The following ZDHHC5 variants were observed in gnomAD, a reference collection of about 807,000 sequenced individuals.
ZDHHC5 encodes the protein zDHHC palmitoyltransferase 5, also known as palmitoyltransferase ZDHHC5.
Under a neutral mutation model 70.0 loss-of-function variants are expected in ZDHHC5, and 22 were observed. That is an observed-to-expected ratio of 0.31 (90% confidence interval 0.22 to 0.45). ZDHHC5 has a LOEUF of 0.45. Among genes scored for constraint, ZDHHC5 ranks in the 20% least tolerant of loss-of-function variants. The pLI is 1.00. For synonymous variants in ZDHHC5, 313 were observed against 347.8 expected (o/e 0.90, Z 1.11); for missense variants, 746 against 926.9 (o/e 0.80, Z 2.53).
chr11:57,687,684 T>A (rs1249839111), intron 3 of ZDHHC5, among the ~76,000 whole-genome samples: 1 of 151,892 alleles, frequency 6.6e-6, no homozygotes, highest in Non-Finnish European at 1.5e-5. Flanking sequence ...CATTTATGCT[T>A]GTGCAACAAA....
chr11:57,696,639 C>A, intron 9 of ZDHHC5, 122 bp from the exon 10 acceptor site: 1 of 831,288 alleles, frequency 1.2e-6, no homozygotes, highest in Middle Eastern at 3.5e-4. Flanking sequence ...CCCAGGAGTT[C>A]AAGGCTCCAG....
At chr11:57,687,770 T>G (rs1473073571) in intron 3 of ZDHHC5, among the ~76,000 whole-genome samples, 4 of 119,078 alleles carry the variant, frequency 3.4e-5, no homozygotes, top group Non-Finnish European at 6.9e-5. Flanking sequence ...TTTTTTTTTT[T>G]TTTTTTTTTT....
At chr11:57,693,161 G>T (rs973321526) in intron 7 of ZDHHC5, among the ~76,000 whole-genome samples, 5 of 152,234 alleles carry the variant, frequency 3.3e-5, no homozygotes, top group Admixed American at 1.3e-4. Context: ...ACAAAAATTA[G>T]CTGGGCAAGG....
intron 2 of ZDHHC5, among the ~76,000 whole-genome samples, chr11:57,681,100 G>A (rs1291886847): frequency 6.6e-6 from 1 of 152,200 alleles, no homozygotes; most frequent in Non-Finnish European, 1.5e-5. Context: ...ATAGATGGTG[G>A]TGGTAAAGAT....
chr11:57,668,282 C>T (rs747025528), intron 1 of ZDHHC5, 95 bp downstream of exon 1: 84 of 314,130 alleles, frequency 2.7e-4, no homozygotes, highest in Non-Finnish European at 2.1e-4. Flanking sequence ...GGACCGAAGA[C>T]GGGGAGGGTA....
At chr11:57,687,440 G>A (rs916603879) in intron 3 of ZDHHC5, among the ~76,000 whole-genome samples, 8 of 151,926 alleles carry the variant, frequency 5.3e-5, no homozygotes, top group African/African-American at 1.2e-4. Flanking sequence ...CCGAAGTGGC[G>A]TGCGCCTGTA....
At chr11:57,691,223 C>T (rs1174978097) in intron 6 of ZDHHC5, among the ~76,000 whole-genome samples, 1 of 152,140 alleles carries the variant, frequency 6.6e-6, no homozygotes, top group African/African-American at 2.4e-5. Flanking sequence ...AGATGTGCAT[C>T]ACCACGCCCA....
At chr11:57,695,723 T>A (rs760501115) in intron 8 of ZDHHC5, among the ~76,000 whole-genome samples, 197 bp from the exon 9 acceptor site, 4 of 150,760 alleles carry the variant, frequency 2.7e-5, no homozygotes, top group Non-Finnish European at 5.9e-5. Context: ...AGCCTAGGAG[T>A]TGCAGGCTGC....
intron 10 of ZDHHC5, among the ~76,000 whole-genome samples, chr11:57,697,611 CCA>C (rs1168408910): frequency 2.7e-5 from 4 of 148,162 alleles, no homozygotes; most frequent in Non-Finnish European, 4.5e-5. Context: ...CCACTGCACT[CCA>C]GTCTGGGTGA....
intron 3 of ZDHHC5, among the ~76,000 whole-genome samples, chr11:57,688,023 G>A (rs1432233190): frequency 2.0e-5 from 3 of 151,904 alleles, no homozygotes; most frequent in Non-Finnish European, 1.5e-5. Flanking sequence ...CGCCCTTCTC[G>A]GCCTCCCAAA....
At chr11:57,698,249 T>G (rs942878656) in intron 10 of ZDHHC5, among the ~76,000 whole-genome samples, 1 of 152,140 alleles carries the variant, frequency 6.6e-6, no homozygotes, top group African/African-American at 2.4e-5. Context: ...GAACTCAATC[T>G]CCTTGATACT....
At chr11:57,691,400 T>G (rs919001976) in intron 6 of ZDHHC5, among the ~76,000 whole-genome samples, 2 of 152,200 alleles carry the variant, frequency 1.3e-5, no homozygotes, top group African/African-American at 4.8e-5. Flanking sequence ...GGTTTCACCA[T>G]GTTAGCCAGG....
chr11:57,669,958 G>C (rs574207895), intron 1 of ZDHHC5, among the ~76,000 whole-genome samples: 1 of 152,254 alleles, frequency 6.6e-6, no homozygotes, highest in South Asian at 2.1e-4. Flanking sequence ...AAGCATCTCA[G>C]ATGCTGTTCT....
chr11:57,698,057 C>T (rs888451173), intron 10 of ZDHHC5, among the ~76,000 whole-genome samples: 2 of 151,312 alleles, frequency 1.3e-5, no homozygotes, highest in Admixed American at 1.3e-4. Flanking sequence ...ATCGTTTGAA[C>T]CTGGGAGGCT....
Position 57,700,045 on chromosome 11 carries a change from C to A in ZDHHC5, c.*14C>A. 6.4e-7 allele frequency: 1 copy of A among 1,555,250 alleles called. No homozygotes were observed. The highest frequency in any genetic ancestry group is 8.7e-7 in the Non-Finnish European group (1 of 1,152,060). ...ATTTCGGTGTGAGCCTTCGGCACCT[C>A]CCCTCCCCAACGCCTCTGCGCCTAC... On this transcript the variant is annotated 3_prime_UTR_variant, in exon 12 of 12. Transcript: ENST00000287169.
Position 57,692,579 on chromosome 11 carries a change from CTTCTAACCTGGTATTTTTT to C in ZDHHC5, c.661-27_661-9del, listed in dbSNP as rs1202399555. 4 of 1,605,396 alleles carry C rather than the reference CTTCTAACCTGGTATTTTTT, an allele frequency of 2.5e-6. No homozygotes were observed. Among genetic ancestry groups the C allele is most frequent in the Non-Finnish European group, 3.4e-6 (4 of 1,172,694 alleles). ...TGGCCTTTGGAAGTCAAGGTCTCAT[CTTCTAACCTGGTATTTTTT>C]TTCTCCCTCTAGGTTACGGGTAAAT... On this transcript the variant is annotated splice_polypyrimidine_tract_variant and intron_variant, in intron 6 of 11. Transcript: ENST00000287169.
intron 6 of ZDHHC5, among the ~76,000 whole-genome samples, chr11:57,691,419 G>A (rs1946283784): frequency 6.6e-6 from 1 of 151,908 alleles, no homozygotes; most frequent in South Asian, 2.1e-4. Flanking sequence ...GGATGGTCTC[G>A]ATCTCTTGAC....
chr11:57,692,515 G>A (rs1946297706), intron 6 of ZDHHC5, 96 bp from the exon 7 acceptor site: 1 of 1,004,820 alleles, frequency 1.0e-6, no homozygotes, highest in Non-Finnish European at 1.5e-6. Flanking sequence ...ATAGCCCTCA[G>A]ATAGTGAGTG....
chr11:57,695,815 A>G (rs1359816205), intron 8 of ZDHHC5, 105 bp from the exon 9 acceptor site: 14 of 1,422,354 alleles, frequency 9.8e-6, no homozygotes, highest in Non-Finnish European at 1.2e-5. Flanking sequence ...AAAAAAATAC[A>G]TGAGAATTGA....
Sources: gnomAD v4.1 joint callset for allele counts (sites outside exome capture counted in the v4.1 genomes callset) on GRCh38, gnomAD v4.1.1 for gene constraint, MANE v1.5 for transcripts, NCBI Gene and HGNC (gene_info 2026-07-23, HGNC 2026-07-21) for gene names.